REC114: variants seen among roughly 807,000 people sequenced by gnomAD.
REC114 encodes REC114 meiotic recombination protein.
Under a neutral mutation model 31.3 loss-of-function variants are expected in REC114, and 27 were observed. That is an observed-to-expected ratio of 0.86 (90% CI 0.64 to 1.19). The LOEUF (loss-of-function observed/expected upper bound fraction) is 1.19. Ranked by LOEUF, REC114 falls within the 50% of genes most tolerant of loss-of-function variation. The probability of loss-of-function intolerance (pLI) is 0.00; values close to 1 mark genes in which losing one functional copy is unlikely to be tolerated. For synonymous variants in REC114, 134 were observed against 127.7 expected, an observed-to-expected ratio of 1.05 and a Z score of -0.33; for missense variants, 344 against 326.9, an observed-to-expected ratio of 1.05 and a Z score of -0.40.
At chr15:73,519,571 T>G (rs56190024) in intron 2 of REC114, among the ~76,000 whole-genome samples, 27,441 of 152,198 alleles carry the variant, frequency 0.18, 4,088 homozygotes, top group African/African-American at 0.41. Context: ...CACTATGGCA[T>G]TTCCTCAAAT....
intron 1 of REC114, among the ~76,000 whole-genome samples, chr15:73,461,922 C>CTTT (rs961387922): frequency 9.0e-4 from 70 of 78,206 alleles, no homozygotes; most frequent in Admixed American, 4.2e-4. Context: ...TTTTTCTTTT[C>CTTT]TTTTTTTTTT....
At chr15:73,551,652 T>C (rs1894395326) in intron 4 of REC114, among the ~76,000 whole-genome samples, 1 of 152,164 alleles carries the variant, frequency 6.6e-6, no homozygotes, top group South Asian at 2.1e-4. Flanking sequence ...CATGGCTGTC[T>C]CAAGGGAACG....
intron 4 of REC114, among the ~76,000 whole-genome samples, chr15:73,551,429 C>A (rs1391152890): frequency 6.6e-6 from 1 of 152,110 alleles, no homozygotes; most frequent in African/African-American, 2.4e-5. Flanking sequence ...AGGGGGCCCA[C>A]AAGGTCAAAA....
At chr15:73,454,121 G>T (rs1239175384) in intron 1 of REC114, among the ~76,000 whole-genome samples, 1 of 151,720 alleles carries the variant, frequency 6.6e-6, no homozygotes, top group Non-Finnish European at 1.5e-5. Context: ...GTATAATAAA[G>T]AAAACACAAA....
intron 1 of REC114, among the ~76,000 whole-genome samples, chr15:73,463,633 CAACATAGTGAA>C (rs773256187): frequency 1.1e-3 from 165 of 152,174 alleles, no homozygotes; most frequent in Non-Finnish European, 1.8e-3. Flanking sequence ...CCAGCTTGGC[CAACATAGTGAA>C]ACCCCATCTC....
chr15:73,500,352 CAAA>C (rs34228065), intron 2 of REC114, among the ~76,000 whole-genome samples: 1 of 137,984 alleles, frequency 7.2e-6, no homozygotes. Flanking sequence ...ACAGAAATAG[CAAA>C]AAAAAAAAAA....
chr15:73,547,275 A>G (rs150430312), intron 3 of REC114, among the ~76,000 whole-genome samples: 151 of 152,322 alleles, frequency 9.9e-4, no homozygotes, highest in South Asian at 7.3e-3. Flanking sequence ...AGCAAATGGT[A>G]AACAGGTATA....
chr15:73,549,714 GATA>G (rs150390999), intron 3 of REC114, among the ~76,000 whole-genome samples: 14,157 of 152,088 alleles, frequency 0.093, 789 homozygotes, highest in African/African-American at 0.15. Context: ...TGTTGGATAA[GATA>G]ATGATAATGG....
intron 2 of REC114, among the ~76,000 whole-genome samples, chr15:73,492,576 T>G (rs1024546877): frequency 1.3e-5 from 2 of 152,200 alleles, no homozygotes; most frequent in Non-Finnish European, 2.9e-5. Flanking sequence ...GGGCTCTTAT[T>G]AAAATGTTGA....
In REC114 at chr15:73,443,258, C is replaced by T. The variant is rs1172575671; in HGVS notation, c.73C>T (p.Arg25Trp). The change falls in exon 1 of 6, where the codon CGG (arginine) becomes TGG (tryptophan). Residue 25 changes from arginine to tryptophan, a missense_variant. Coordinates refer to ENST00000331090, the MANE Select transcript of REC114 (RefSeq NM_001042367.2). ...GGEAAEWPLQ[R>W]YARCIPSNTR... ...AGAAGCGGCAGAGTGGCCTCTGCAG[C>T]GGTACGCCCGCTGCATACCCTCAAA... is the stretch of plus-strand genomic sequence containing the variant. 4 of 1,573,092 alleles carry T rather than the reference C, an allele frequency of 2.5e-6. No homozygotes were observed. The highest frequency in any genetic ancestry group is 1.2e-5 in the South Asian group (1 of 85,426).
At chr15:73,553,645 G>T (rs1184041575) in intron 4 of REC114, among the ~76,000 whole-genome samples, 2 of 152,176 alleles carry the variant, frequency 1.3e-5, no homozygotes, top group East Asian at 3.9e-4. Flanking sequence ...CAAATAAATT[G>T]AAGTTGTAAC....
rs1293320323 is a variant in REC114 at position 73,512,214 on chromosome 15, CTT to C, written c.250-28268_250-28267del. The stretch of plus-strand genomic sequence containing the variant: ...CATTATGTAATGGCCTTCTTTGTCT[CTT>C]TTGATCTTTGTTGGTTTAAAGTCTG... On this transcript the variant is annotated intron_variant, in intron 2 of 5. Transcript: ENST00000331090. Among the ~76,000 whole-genome samples the C allele has an allele frequency of 1.1e-4, 13 of 115,796 alleles. No homozygotes were observed. In the East Asian group the frequency reaches 3.2e-3, roughly 28 times the overall value. 76.0% of individuals were successfully genotyped at this position (115,796 alleles called of 152,430 possible).
chr15:73,480,145 A>AAT (rs1215645683), intron 2 of REC114, among the ~76,000 whole-genome samples: 1 of 152,158 alleles, frequency 6.6e-6, no homozygotes, highest in African/African-American at 2.4e-5. Flanking sequence ...AGTATGAGGG[A>AAT]ATAATGTCAT....
intron 2 of REC114, among the ~76,000 whole-genome samples, chr15:73,532,134 C>T (rs908845837): frequency 3.1e-4 from 47 of 151,696 alleles, no homozygotes; most frequent in African/African-American, 1.0e-3. Flanking sequence ...TCCCTCCCCC[C>T]TCGCCCCACC....
At chr15:73,500,981 G>T (rs1011704575) in intron 2 of REC114, among the ~76,000 whole-genome samples, 2 of 152,032 alleles carry the variant, frequency 1.3e-5, no homozygotes, top group South Asian at 2.1e-4. Flanking sequence ...GAGTCATCTG[G>T]CTTACTACCC....
At chr15:73,454,449 GTTC>G (rs979241060) in intron 1 of REC114, among the ~76,000 whole-genome samples, 12 of 152,166 alleles carry the variant, frequency 7.9e-5, no homozygotes, top group African/African-American at 2.9e-4. Flanking sequence ...TGCACAGACA[GTTC>G]TTCTGAGAGG....
intron 1 of REC114, among the ~76,000 whole-genome samples, chr15:73,457,640 C>T (rs770278447): frequency 2.0e-5 from 3 of 152,144 alleles, no homozygotes; most frequent in African/African-American, 7.2e-5. Context: ...TCCTTTATTA[C>T]GTGATACCTA....
chr15:73,443,890 A>G (rs1386761110), intron 1 of REC114, among the ~76,000 whole-genome samples: 2 of 152,202 alleles, frequency 1.3e-5, no homozygotes, highest in Non-Finnish European at 2.9e-5. Flanking sequence ...TAATAATATA[A>G]TAGTACAGGC....
At chr15:73,443,400 G>A (rs745837784) in intron 1 of REC114, 56 bp downstream of exon 1, 344 of 1,501,786 alleles carry the variant, frequency 2.3e-4, no homozygotes, top group Non-Finnish European at 2.9e-4. Flanking sequence ...AGGAGGGGAG[G>A]CTCCGCGAAT....
Sources: gnomAD v4.1 joint callset for allele counts (sites outside exome capture counted in the v4.1 genomes callset) on GRCh38, gnomAD v4.1.1 for gene constraint, MANE v1.5 for transcripts, NCBI Gene and HGNC (gene_info 2026-07-23, HGNC 2026-07-21) for gene names.